FREM2: variants seen among roughly 807,000 people sequenced by gnomAD.
FREM2 encodes the protein FRAS1-related extracellular matrix protein 2.
A neutral mutation model predicts 219.9 loss-of-function variants in FREM2; 119 were observed. That is an observed-to-expected ratio of 0.54 (90% CI 0.47 to 0.63). The LOEUF (loss-of-function observed/expected upper bound fraction) is 0.63, where lower values mean the gene tolerates loss of function less well. Ranked by LOEUF, FREM2 falls within the 30% of genes least tolerant of loss-of-function variation. FREM2 has a pLI of 0.00. For synonymous variants in FREM2, 1,562 were observed against 1,522.8 expected (o/e 1.03, Z -0.60); for missense variants, 4,030 against 3,993.6 (o/e 1.01, Z -0.25).
chr13:38,865,961 T>C (rs1225197484), intron 16 of FREM2, among the ~76,000 whole-genome samples: 1 of 152,168 alleles, frequency 6.6e-6, no homozygotes. Context: ...AAAGATTCAA[T>C]CCCTAGAAGA....
In FREM2 at chr13:38,690,705, G is replaced by A; in HGVS notation, c.3361G>A (p.Ala1121Thr). The A allele has an allele frequency of 6.2e-7, 1 of 1,614,004 alleles. No homozygotes were observed. Among genetic ancestry groups the A allele is most frequent in the Non-Finnish European group, 8.5e-7 (1 of 1,180,024 alleles). ...AGGTTATGTTGAAAACATTTCTCCA[G>A]CACCAGGCTCTGAGAAATCAAGAGC... is the stretch of plus-strand genomic sequence containing the variant. ...TSGYVENISPAPGSEKSRAGI... is the reference protein window; with the variant it reads ...TSGYVENISPTPGSEKSRAGI... Residue 1121 changes from alanine to threonine, a missense_variant, in exon 1 of 24, where the codon GCA becomes ACA. Ala to Thr is a moderately conservative substitution (Grantham distance 58). Around this residue, in one of 2 missense-constraint regions of FREM2, gnomAD observed 3,102 missense variants for 2,950.7 expected, o/e 1.05. Transcript: ENST00000280481.
chr13:38,710,518 A>G (rs1341685879), intron 2 of FREM2, among the ~76,000 whole-genome samples: 1 of 152,252 alleles, frequency 6.6e-6, no homozygotes, highest in East Asian at 1.9e-4. Flanking sequence ...ATTTCACCCT[A>G]ACAATTGGTA....
intron 6 of FREM2, among the ~76,000 whole-genome samples, chr13:38,834,927 T>TG (rs1312694742): frequency 6.6e-6 from 1 of 152,232 alleles, no homozygotes; most frequent in Non-Finnish European, 1.5e-5. Context: ...TAGTTTCTTT[T>TG]GCTGTGCAGA....
intron 16 of FREM2, among the ~76,000 whole-genome samples, chr13:38,865,600 T>G (rs933602432): frequency 1.3e-5 from 2 of 152,284 alleles, no homozygotes; most frequent in Non-Finnish European, 2.9e-5. Context: ...ACTAGATAAC[T>G]AGTATGAGAT....
intron 2 of FREM2, among the ~76,000 whole-genome samples, chr13:38,742,890 A>G (rs1376718756): frequency 5.3e-5 from 8 of 152,276 alleles, no homozygotes; most frequent in Admixed American, 3.9e-4. Context: ...GAGCAATCCC[A>G]TTGTTGCTTG....
chr13:38,736,397 C>T (rs1871995300), intron 2 of FREM2, among the ~76,000 whole-genome samples: 1 of 152,090 alleles, frequency 6.6e-6, no homozygotes, highest in Non-Finnish European at 1.5e-5. Flanking sequence ...ACTGATAGAT[C>T]ATCAAAACCT....
chr13:38,741,959 A>G (rs1178726567), intron 2 of FREM2, among the ~76,000 whole-genome samples: 4 of 152,146 alleles, frequency 2.6e-5, no homozygotes, highest in South Asian at 2.1e-4. Context: ...TGAAAAAAAT[A>G]CATGTTGAGC....
At chr13:38,772,871 A>AT (rs1873723884) in intron 4 of FREM2, among the ~76,000 whole-genome samples, 1 of 151,716 alleles carries the variant, frequency 6.6e-6, no homozygotes, top group African/African-American at 2.4e-5. Context: ...TAATTTTTGT[A>AT]TTTTTAGTAG....
chr13:38,832,747 T>C (rs1426448169), intron 6 of FREM2, among the ~76,000 whole-genome samples: 1 of 152,118 alleles, frequency 6.6e-6, no homozygotes, highest in East Asian at 1.9e-4. Flanking sequence ...CAGTACATAT[T>C]AAAATGTTAA....
chr13:38,739,583 C>G (rs1437488509), intron 2 of FREM2, among the ~76,000 whole-genome samples: 1 of 150,524 alleles, frequency 6.6e-6, no homozygotes, highest in East Asian at 1.9e-4. Flanking sequence ...GATCATCCTT[C>G]TCTCTAAGAC....
At chr13:38,812,752 G>A (rs946770533) in intron 6 of FREM2, among the ~76,000 whole-genome samples, 1 of 151,926 alleles carries the variant, frequency 6.6e-6, no homozygotes, top group African/African-American at 2.4e-5. Flanking sequence ...GTGTGGTGGT[G>A]TGTACCTGTA....
intron 16 of FREM2, among the ~76,000 whole-genome samples, chr13:38,871,893 A>G (rs1878171581): frequency 6.6e-6 from 1 of 152,202 alleles, no homozygotes; most frequent in Non-Finnish European, 1.5e-5. Context: ...AATTCAAGGC[A>G]AGACACTTCA....
At chr13:38,848,322 T>G in intron 7 of FREM2, 139 bp from the exon 8 acceptor site, 1 of 704,064 alleles carries the variant, frequency 1.4e-6, no homozygotes. Flanking sequence ...TGCCTTTTAT[T>G]AAATGTACTT....
intron 6 of FREM2, among the ~76,000 whole-genome samples, chr13:38,804,599 T>G (rs1034309640): frequency 1.3e-5 from 2 of 152,198 alleles, no homozygotes; most frequent in Admixed American, 1.3e-4. Context: ...ATAATTTATT[T>G]TAGTAAGAAT....
At chr13:38,698,635 T>TG (rs1253450276) in intron 2 of FREM2, among the ~76,000 whole-genome samples, 2 of 152,130 alleles carry the variant, frequency 1.3e-5, no homozygotes, top group African/African-American at 4.8e-5. Flanking sequence ...AGGGTATATG[T>TG]GAGAGAGCAG....
At chr13:38,760,254 A>AT (rs1873175785) in intron 2 of FREM2, among the ~76,000 whole-genome samples, 1 of 152,190 alleles carries the variant, frequency 6.6e-6, no homozygotes, top group East Asian at 1.9e-4. Flanking sequence ...GCTTCTTTAT[A>AT]TTTTTTCTGA....
intron 2 of FREM2, among the ~76,000 whole-genome samples, chr13:38,728,836 A>G (rs994741728): frequency 6.6e-6 from 1 of 151,786 alleles, no homozygotes; most frequent in Non-Finnish European, 1.5e-5. Context: ...TCATTTATTT[A>G]TTTATTTATT....
chr13:38,856,087 A>G (rs377374185), intron 11 of FREM2, 39 bp from the exon 12 acceptor site: 191 of 1,466,494 alleles, frequency 1.3e-4, no homozygotes, highest in Non-Finnish European at 1.6e-4. Context: ...TCTCATATTC[A>G]TATGCAAATG....
chr13:38,859,633 T>C, intron 14 of FREM2, 43 bp downstream of exon 14: 1 of 1,544,230 alleles, frequency 6.5e-7, no homozygotes, highest in Non-Finnish European at 8.9e-7. Context: ...TGGAATACTG[T>C]GCAATATTAC....
Sources: gnomAD v4.1 joint callset for allele counts (sites outside exome capture counted in the v4.1 genomes callset) on GRCh38, gnomAD v4.1.1 for gene constraint, gnomAD v4.1.1 regional missense constraint, MANE v1.5 for transcripts, NCBI Gene and HGNC (gene_info 2026-07-23, HGNC 2026-07-21) for gene names.